The following FRMD8 variants were observed in gnomAD, a reference collection of about 807,000 sequenced individuals.
FRMD8 encodes the protein FERM domain containing 8.
A neutral mutation model predicts 54.2 loss-of-function variants in FRMD8; 37 were observed. The observed-to-expected ratio is 0.68, with a 90% CI of 0.53 to 0.90. FRMD8 has a LOEUF of 0.90. Ranked by LOEUF, FRMD8 falls within the 40% of genes least tolerant of loss-of-function variation. The pLI is 0.00. For missense variants in FRMD8, 585 were observed against 653.7 expected (o/e 0.89, Z 1.15); for synonymous variants, 246 against 286.9 (o/e 0.86, Z 1.44).
chr11:65,382,044 C>T (rs902335564), upstream of FRMD8: 11 of 1,106,778 alleles, frequency 9.9e-6, no homozygotes, highest in African/African-American at 1.5e-5. This position sits in a 1 kb window ranked among gnomAD's most constrained non-coding sequence, Gnocchi z 4.4. Context: ...TAACCTCCCA[C>T]TAATGTTTAA....
the FRMD8 span, among the ~76,000 whole-genome samples, chr11:65,371,805 G>T: frequency 1.3e-5 from 2 of 151,994 alleles, no homozygotes; most frequent in African/African-American, 2.4e-5. Flanking sequence ...TAGTAGAGAC[G>T]GCGTTTCACT....
At chr11:65,370,871 C>G in the FRMD8 span, among the ~76,000 whole-genome samples, 11 of 152,226 alleles carry the variant, frequency 7.2e-5, no homozygotes, top group African/African-American at 1.7e-4. Context: ...TCGAGACCAG[C>G]CTGGGCAGCA....
chr11:65,377,038 C>T, the FRMD8 span: 2 of 1,614,032 alleles, frequency 1.2e-6, no homozygotes, highest in South Asian at 1.1e-5. Context: ...GGTTTTGTAG[C>T]CGGACTTTGA....
Position 65,400,514 on chromosome 11 carries a change from G to A in FRMD8, c.928-210G>A, listed in dbSNP as rs1283793064. On this transcript the variant is annotated intron_variant, in intron 8 of 10. Transcript: ENST00000317568. This position sits in a 1 kb window ranked among gnomAD's most constrained non-coding sequence, Gnocchi z 4.3. ...AGGGGCTTGGCCTGCTGGTGGGACT[G>A]TTGTGGGAGAGGGGATCTCAGCTTC... 2.6e-5 allele frequency among the ~76,000 whole-genome samples: 4 copies of A among 152,214 alleles called. No individual in the cohort carries two copies. Among genetic ancestry groups the A allele is most frequent in the East Asian group, 1.9e-4 (1 of 5,204 alleles).
chr11:65,376,888 G>C, the FRMD8 span: 1 of 1,614,164 alleles, frequency 6.2e-7, no homozygotes. Context: ...TCCCCACCGT[G>C]GGGGTGTCCC....
chr11:65,388,261 T>C (rs1855773157), intron 2 of FRMD8, among the ~76,000 whole-genome samples: 1 of 151,930 alleles, frequency 6.6e-6, no homozygotes. Flanking sequence ...CTGTGGAAGC[T>C]CTCCAGGTGA....
chr11:65,373,327 C>T, the FRMD8 span, among the ~76,000 whole-genome samples: 1 of 152,224 alleles, frequency 6.6e-6, no homozygotes, highest in African/African-American at 2.4e-5. Context: ...TCAGGTGGAC[C>T]TTGTGTTTTC....
chr11:65,371,918 T>G, the FRMD8 span, among the ~76,000 whole-genome samples: 1 of 151,268 alleles, frequency 6.6e-6, no homozygotes, highest in Non-Finnish European at 1.5e-5. Flanking sequence ...CCGGCTAAAT[T>G]TTGTGTTTTT....
In FRMD8 at chr11:65,400,896, G is replaced by A. The variant is rs1285139841; in HGVS notation, c.1071+29G>A. 6.4e-7 allele frequency: 1 copy of A among 1,563,376 alleles called. No individual in the cohort carries two copies. The highest frequency in any genetic ancestry group is 8.7e-7 in the Non-Finnish European group (1 of 1,153,656). On this transcript the variant is annotated intron_variant, in intron 9 of 10. Transcript: ENST00000317568. The surrounding 1 kb of genome is among the most constrained non-coding windows in gnomAD (Gnocchi z 4.3). The stretch of plus-strand genomic sequence containing the variant: ...GCGCGGGTGGTGCCTGCACACGGGT[G>A]GGGAGGCTGGGCCCAGGTGCCCTGG...
the FRMD8 span, chr11:65,379,176 G>A: frequency 3.3e-6 from 2 of 612,026 alleles, no homozygotes; most frequent in African/African-American, 1.9e-5. Flanking sequence ...CCCACCAGCT[G>A]TCTCTGCCTT....
intron 9 of FRMD8, among the ~76,000 whole-genome samples, chr11:65,403,286 G>A (rs964376648): frequency 2.6e-5 from 4 of 152,148 alleles, no homozygotes; most frequent in African/African-American, 4.8e-5. Flanking sequence ...AGGTTCAAGC[G>A]ATTCTCTCAC....
At chr11:65,379,337 C>A in the FRMD8 span, 1 of 1,598,554 alleles carries the variant, frequency 6.3e-7, no homozygotes, top group South Asian at 1.1e-5. Context: ...GATGACCATC[C>A]CTATGACACC....
chr11:65,404,848 G>C lies in FRMD8; in HGVS notation c.1072-16G>C, dbSNP rs761572870. 1.2e-6 allele frequency: 2 copies of C among 1,604,160 alleles called. No individual in the cohort carries two copies. Among genetic ancestry groups the C allele is most frequent in the Admixed American group, 3.3e-5 (2 of 59,800 alleles). On this transcript the variant is annotated splice_polypyrimidine_tract_variant and intron_variant, in intron 9 of 10. Coordinates refer to ENST00000317568, the MANE Select transcript of FRMD8 (RefSeq NM_031904.5). This position sits in a 1 kb window ranked among gnomAD's most constrained non-coding sequence, Gnocchi z 4.7. ...GGGGGCCCTGGCCAGGCCTCACACT[G>C]CCCCCTCCTCCCCAGGCCGAACTGA...
chr11:65,385,931 G>C (rs1369415057), upstream of FRMD8, among the ~76,000 whole-genome samples: 1 of 152,024 alleles, frequency 6.6e-6, no homozygotes, highest in African/African-American at 2.4e-5. Flanking sequence ...CGCGTAGCTG[G>C]GACTACAGGC....
the FRMD8 span, chr11:65,376,901 A>G: frequency 6.2e-7 from 1 of 1,613,454 alleles, no homozygotes; most frequent in East Asian, 2.2e-5. Context: ...GGTGTCCCTC[A>G]GCGTCAGGGC....
chr11:65,376,524 G>T, the FRMD8 span: 3 of 1,614,198 alleles, frequency 1.9e-6, no homozygotes, highest in East Asian at 6.7e-5. Context: ...CTTCCTGCCG[G>T]ATGCTGCTCA....
chr11:65,389,276 A>T, intron 2 of FRMD8, 85 bp from the exon 3 acceptor site: 1 of 1,350,420 alleles, frequency 7.4e-7, no homozygotes, highest in Non-Finnish European at 1.0e-6. Context: ...CTCCAGCCCC[A>T]GTGGGTGGTA....
At chr11:65,409,701 G>A (rs79818300) in intron 10 of FRMD8, among the ~76,000 whole-genome samples, 4,792 of 151,854 alleles carry the variant, frequency 0.032, 119 homozygotes, top group Non-Finnish European at 0.047. Context: ...AGAGGGTTAC[G>A]GCTTCAGTGA....
At position 65,398,919 on chromosome 11, in the gene FRMD8, G is replaced by A. The variant is rs989881165; in HGVS notation, c.804-817G>A. On this transcript the variant is annotated intron_variant, in intron 7 of 10. Coordinates refer to ENST00000317568, the MANE Select transcript of FRMD8 (RefSeq NM_031904.5). ...TAACTTGGGCTCTGGCTCAGTGGGT[G>A]GTGAGGGCAAGGGTGAGCCTGAGGG... Among the ~76,000 whole-genome samples, 18 of 152,064 alleles carry A rather than the reference G, an allele frequency of 1.2e-4. 1 individual carries two copies. The highest frequency in any genetic ancestry group is 2.9e-5 in the Non-Finnish European group (2 of 68,014).
Sources: gnomAD v4.1 joint callset for allele counts (sites outside exome capture counted in the v4.1 genomes callset) on GRCh38, gnomAD v4.1.1 for gene constraint, Gnocchi (gnomAD v3.1) non-coding constraint, MANE v1.5 for transcripts, NCBI Gene and HGNC (gene_info 2026-07-23, HGNC 2026-07-21) for gene names.